Variants in CDH4 observed in about 807,000 individuals in gnomAD.
CDH4 encodes cadherin 4.
CDH4 carries 33 observed loss-of-function variants against 86.0 expected under a neutral mutation model. That is an observed-to-expected ratio of 0.38 (90% confidence interval 0.29 to 0.51). CDH4 has a LOEUF of 0.51. CDH4 is among the 20% of genes least tolerant of loss of function. The probability of loss-of-function intolerance (pLI) is 0.86; values close to 1 mark genes in which losing one functional copy is unlikely to be tolerated. For missense variants in CDH4, 1,114 were observed against 1,307.4 expected, an observed-to-expected ratio of 0.85 and a Z score of 2.28; for synonymous variants, 555 against 549.4, an observed-to-expected ratio of 1.01 and a Z score of -0.14.
In CDH4 at chr20:61,252,614, A is replaced by C; in HGVS notation, c.57+44A>C. 1 of 1,154,522 alleles carries C rather than the reference A, an allele frequency of 8.7e-7. No individual in the cohort carries two copies. Among genetic ancestry groups the C allele is most frequent in the African/African-American group, 1.6e-5 (1 of 62,012 alleles). The allele number at this position is 1,154,522 out of a possible 1,614,324, so 71.5% of individuals were successfully genotyped here. ...CCCCCGCCGTTCGGAAGCCCCGGGCAGCGGGAGGTCGTCCCCGGATCCCGC... is the reference window on the plus strand; with the variant it reads ...CCCCCGCCGTTCGGAAGCCCCGGGCCGCGGGAGGTCGTCCCCGGATCCCGC... On this transcript the variant is annotated intron_variant, in intron 1 of 15. Transcript: ENST00000614565. This position sits in a 1 kb window ranked among gnomAD's most constrained non-coding sequence, Gnocchi z 4.4.
At chr20:61,599,807 C>T in intron 2 of CDH4, 1 of 985,756 alleles carries the variant, frequency 1.0e-6, no homozygotes. Flanking sequence ...CTTAATGATG[C>T]TGCCCCTTTC....
chr20:61,565,221 T>TGGCGGTGCTCTTGGTGATGGGG (rs1414076004), intron 2 of CDH4, among the ~76,000 whole-genome samples: 1 of 40,548 alleles, frequency 2.5e-5, no homozygotes, highest in Non-Finnish European at 4.9e-5. Flanking sequence ...CTCTCGGTGG[T>TGGCGGTGCTCTTGGTGATGGGG]AGGTGGTGGT....
intron 8 of CDH4, among the ~76,000 whole-genome samples, chr20:61,899,576 T>C (rs569962881): frequency 5.4e-4 from 82 of 152,066 alleles, no homozygotes; most frequent in East Asian, 1.8e-3. Flanking sequence ...TACAGGCGCC[T>C]GCCACCACGC....
chr20:61,508,382 G>T (rs895237086), intron 2 of CDH4, among the ~76,000 whole-genome samples: 1 of 152,248 alleles, frequency 6.6e-6, no homozygotes, highest in Non-Finnish European at 1.5e-5. Context: ...CACACTTTCA[G>T]CCACACGGGT....
At position 61,911,645 on chromosome 20, in the gene CDH4, CATAA is replaced by C. The variant is rs1568883147; in HGVS notation, c.1374+1039_1374+1042del. Reference sequence around the variant, plus strand: ...TAAAGCTGGATAGGATATGCCAAAGCATAAGGAAAAGCAAGATGAGCTTAAAGCT... The same window carrying C: ...TAAAGCTGGATAGGATATGCCAAAGCGGAAAAGCAAGATGAGCTTAAAGCT... On this transcript the variant is annotated intron_variant, in intron 9 of 15. Transcript: ENST00000614565. 6.9e-3 allele frequency among the ~76,000 whole-genome samples: 1,044 copies of C among 151,450 alleles called. 67 individuals are homozygous for C. The highest frequency in any genetic ancestry group is 0.024 in the African/African-American group (974 of 41,196).
chr20:61,619,251 C>T (rs1283988639), intron 2 of CDH4, among the ~76,000 whole-genome samples: 1 of 152,120 alleles, frequency 6.6e-6, no homozygotes, highest in East Asian at 1.9e-4. Context: ...AGCCCCAGCC[C>T]CAGCCCCAGC....
At chr20:61,280,787 C>T (rs2084254420) in intron 2 of CDH4, among the ~76,000 whole-genome samples, 1 of 152,182 alleles carries the variant, frequency 6.6e-6, no homozygotes. Context: ...GCGCCGGCCA[C>T]AGCGGCCTCC....
rs190891192 is a variant in CDH4, at chr20:61,917,920, G to A, written c.1375-5531G>A. Among the ~76,000 whole-genome samples, 42 of 152,306 alleles carry A rather than the reference G, an allele frequency of 2.8e-4. No individual in the cohort carries two copies. In the East Asian group the frequency reaches 5.4e-3, roughly 20 times the overall value. ...CAGGCTGGTGACACGATTTTTTAAC[G>A]CATGACATGCAGCATTATTCCATGT... On this transcript the variant is annotated intron_variant, in intron 9 of 15. Transcript: ENST00000614565.
chr20:61,934,158 C>T lies in CDH4; in HGVS notation c.2482C>T (p.Pro828Ser). 1 of 1,607,886 alleles carries T rather than the reference C, an allele frequency of 6.2e-7. No homozygotes were observed. The stretch of plus-strand genomic sequence containing the variant: ...GGATGAGCGGCCGGTGGGCGCTGAG[C>T]CCCAGTACCCGATCAGGCCCATGGT... Reference protein sequence around the residue: ...RVDERPVGAEPQYPIRPMVPH... With the variant: ...RVDERPVGAESQYPIRPMVPH... Residue 828 changes from proline to serine, a missense_variant, in exon 15 of 16, where the codon CCC becomes TCC. Physicochemically the swap from Pro to Ser is moderately conservative, Grantham distance 74. Transcript: ENST00000614565.
chr20:61,277,049 A>AC (rs940254287), intron 2 of CDH4, among the ~76,000 whole-genome samples: 1 of 151,684 alleles, frequency 6.6e-6, no homozygotes, highest in African/African-American at 2.4e-5. Context: ...TCACACGCCC[A>AC]CCCCCTTCTA....
At chr20:61,910,013 G>T (rs1288816476) in intron 8 of CDH4, among the ~76,000 whole-genome samples, 1 of 152,274 alleles carries the variant, frequency 6.6e-6, no homozygotes, top group Non-Finnish European at 1.5e-5. Context: ...TGCTTCAGTG[G>T]GGCCCCGGCA....
At chr20:61,350,750 G>A (rs764608544) in intron 2 of CDH4, among the ~76,000 whole-genome samples, 3 of 152,254 alleles carry the variant, frequency 2.0e-5, no homozygotes, top group African/African-American at 4.8e-5. Context: ...CAAGTGGCCT[G>A]GGGAGAAAAG....
chr20:61,681,011 TTTGGGAA>T lies in CDH4; in HGVS notation c.170-62551_170-62545del, dbSNP rs2087506693. 6.6e-6 allele frequency among the ~76,000 whole-genome samples: 1 copy of T among 152,354 alleles called. No individual in the cohort carries two copies. The highest frequency in any genetic ancestry group is 2.1e-4 in the South Asian group (1 of 4,832). ...TGTTCCCTCCCTTTCCACCCATTTC[TTTGGGAA>T]GACAAATAGGTGACATTCCAGAAAG... is the stretch of plus-strand genomic sequence containing the variant. On this transcript the variant is annotated intron_variant, in intron 2 of 15. Transcript: ENST00000614565. The surrounding 1 kb of genome is among the most constrained non-coding windows in gnomAD (Gnocchi z 4.5).
intron 2 of CDH4, among the ~76,000 whole-genome samples, chr20:61,310,589 C>G (rs1314115577): frequency 1.3e-5 from 2 of 152,190 alleles, no homozygotes; most frequent in Non-Finnish European, 2.9e-5. Flanking sequence ...TCCAGCTGCC[C>G]CCTTCCTGCT....
intron 2 of CDH4, among the ~76,000 whole-genome samples, chr20:61,648,697 CGCGCTCCCAGG>C (rs1166592892): frequency 2.0e-5 from 3 of 152,136 alleles, no homozygotes; most frequent in Admixed American, 6.5e-5. Context: ...CTTTTTGAGG[CGCGCTCCCAGG>C]GTTCATGTTG....
At chr20:61,488,952 T>C (rs969555081) in intron 2 of CDH4, among the ~76,000 whole-genome samples, 2 of 152,220 alleles carry the variant, frequency 1.3e-5, no homozygotes, top group Non-Finnish European at 2.9e-5. Flanking sequence ...AAATCACTTT[T>C]TTTTTAAATT....
chr20:61,541,303 A>G (rs975074390), intron 2 of CDH4, among the ~76,000 whole-genome samples: 2 of 152,202 alleles, frequency 1.3e-5, no homozygotes, highest in African/African-American at 2.4e-5. Flanking sequence ...GAGAGGCCAC[A>G]TCTCCAAGCA....
chr20:61,418,627 C>T (rs910922818), intron 2 of CDH4, among the ~76,000 whole-genome samples: 5 of 152,132 alleles, frequency 3.3e-5, no homozygotes, highest in East Asian at 1.9e-4. Context: ...AGTGAAATCG[C>T]GTGTGGAGGA....
chr20:61,396,473 G>T (rs76654928), intron 2 of CDH4, among the ~76,000 whole-genome samples: 1 of 152,164 alleles, frequency 6.6e-6, no homozygotes, highest in African/African-American at 2.4e-5. Flanking sequence ...TGCGTTCTGC[G>T]CATAGACCAC....
Sources: gnomAD v4.1 joint callset for allele counts (sites outside exome capture counted in the v4.1 genomes callset) on GRCh38, gnomAD v4.1.1 for gene constraint, Gnocchi (gnomAD v3.1) non-coding constraint, MANE v1.5 for transcripts, NCBI Gene and HGNC (gene_info 2026-07-23, HGNC 2026-07-21) for gene names.